STRIP2: variants seen among roughly 807,000 people sequenced by gnomAD.
STRIP2 encodes the protein striatin-interacting protein 2.
STRIP2 carries 84 observed loss-of-function variants against 107.1 expected under a neutral mutation model. The ratio of observed to expected loss-of-function variants is 0.78; its 90% CI spans 0.66 to 0.94. The LOEUF is 0.94. Among genes scored for constraint, STRIP2 ranks in the 40% least tolerant of loss-of-function variants. The probability of loss-of-function intolerance (pLI) is 0.00; values close to 1 mark genes in which losing one functional copy is unlikely to be tolerated. For synonymous variants in STRIP2, 394 were observed against 400.4 expected, an observed-to-expected ratio of 0.98 and a Z score of 0.19; for missense variants, 888 against 1,034.2, an observed-to-expected ratio of 0.86 and a Z score of 1.94.
chr7:129,473,208 A>G (rs1225930156), intron 18 of STRIP2, among the ~76,000 whole-genome samples: 3 of 152,214 alleles, frequency 2.0e-5, no homozygotes, highest in African/African-American at 7.2e-5. Context: ...TGCCACCTAC[A>G]TATAGCCACT....
chr7:129,434,934 A>G (rs1797692455), intron 1 of STRIP2, among the ~76,000 whole-genome samples: 1 of 152,222 alleles, frequency 6.6e-6, no homozygotes, highest in African/African-American at 2.4e-5. Flanking sequence ...ATCCCAGTTT[A>G]TAGACGGGGG....
Position 129,451,746 on chromosome 7 carries a change from A to T in STRIP2, c.408A>T (p.Gln136His). The change falls in exon 4 of 21, where the codon CAA (glutamine) becomes CAT (histidine). Residue 136 changes from glutamine to histidine, a missense_variant and splice_region_variant. Coordinates refer to ENST00000249344, the MANE Select transcript of STRIP2 (RefSeq NM_020704.3). The part of the protein sequence containing the change: ...KVARAVLYLA[Q>H]GTFGECDSEV... ...CCCGGGCTGTTCTCTACCTGGCCCA[A>T]GGTGAGTGACCACCCTTGCTAGCTT... 1 of 1,612,056 alleles carries T rather than the reference A, an allele frequency of 6.2e-7. No homozygotes were observed. Among genetic ancestry groups the T allele is most frequent in the Non-Finnish European group, 8.5e-7 (1 of 1,179,836 alleles).
intron 2 of STRIP2, among the ~76,000 whole-genome samples, chr7:129,442,161 G>A (rs931375470): frequency 1.3e-5 from 2 of 152,138 alleles, no homozygotes; most frequent in Non-Finnish European, 2.9e-5. Flanking sequence ...GGAGGCAGAG[G>A]TTGCAGTGAG....
intron 4 of STRIP2, among the ~76,000 whole-genome samples, chr7:129,452,487 C>A (rs1798222318): frequency 6.6e-6 from 1 of 152,184 alleles, no homozygotes; most frequent in Non-Finnish European, 1.5e-5. Context: ...CCTCCTGTAT[C>A]TCTTGGGTCT....
chr7:129,455,873 A>G (rs1300045970), intron 8 of STRIP2, among the ~76,000 whole-genome samples: 2 of 152,096 alleles, frequency 1.3e-5, no homozygotes, highest in African/African-American at 4.8e-5. Context: ...GTCTCAAGCA[A>G]TCCTTTCACC....
At chr7:129,464,871 C>G in intron 16 of STRIP2, 133 bp downstream of exon 16, 1 of 1,190,088 alleles carries the variant, frequency 8.4e-7, no homozygotes, top group South Asian at 1.4e-5. Flanking sequence ...CTCAGGGAAT[C>G]CAGCCACCCA....
At chr7:129,471,887 A>C (rs952044801) in intron 18 of STRIP2, among the ~76,000 whole-genome samples, 1 of 152,190 alleles carries the variant, frequency 6.6e-6, no homozygotes, top group African/African-American at 2.4e-5. Flanking sequence ...CAGCAGCCAA[A>C]GAAGTTGGAA....
At position 129,458,276 on chromosome 7, in the gene STRIP2, A is replaced by C; in HGVS notation, c.1100A>C (p.Glu367Ala). 1 of 1,614,196 alleles carries C rather than the reference A, an allele frequency of 6.2e-7. No individual in the cohort carries two copies. Among genetic ancestry groups the C allele is most frequent in the Non-Finnish European group, 8.5e-7 (1 of 1,180,032 alleles). The stretch of plus-strand genomic sequence containing the variant: ...AATGAAAGGGATCTCTTCAAGACTG[A>C]GGAGCCCGCCACAGAGGAGGAAGAG... ...IYNERDLFKTEEPATEEEEES... is the reference protein window; with the variant it reads ...IYNERDLFKTAEPATEEEEES... Residue 367 changes from glutamate (E) to alanine (A), a missense_variant, in exon 10 of 21, where the codon GAG becomes GCG. Coordinates refer to ENST00000249344, the MANE Select transcript of STRIP2 (RefSeq NM_020704.3). The surrounding 1 kb of genome is among the most constrained non-coding windows in gnomAD (Gnocchi z 4.6).
chr7:129,483,291 T>G lies in STRIP2; in HGVS notation c.2254+245T>G. Reference sequence around the variant, plus strand: ...AACAAGTAAATTGAGAGATAATTAATTGCCTTTCCAAAACATTCTTTTAAA... The same window carrying G: ...AACAAGTAAATTGAGAGATAATTAAGTGCCTTTCCAAAACATTCTTTTAAA... On this transcript the variant is annotated intron_variant, in intron 20 of 20. Transcript: ENST00000249344. This position sits in a 1 kb window ranked among gnomAD's most constrained non-coding sequence, Gnocchi z 5.1. The G allele has an allele frequency of 5.0e-6, 6 of 1,208,784 alleles. No homozygotes were observed. The highest frequency in any genetic ancestry group is 3.1e-6 in the Non-Finnish European group (3 of 967,634). 74.9% of individuals were successfully genotyped at this position (1,208,784 alleles called of 1,614,324 possible).
At chr7:129,462,129 T>G (rs1798554855) in intron 13 of STRIP2, among the ~76,000 whole-genome samples, 1 of 151,604 alleles carries the variant, frequency 6.6e-6, no homozygotes, top group African/African-American at 2.4e-5. Flanking sequence ...GGCAAAGGAG[T>G]TGGTTTGAGG....
rs112141645 is a variant in STRIP2 at position 129,480,986 on chromosome 7, G to A, written c.2049+97G>A. On this transcript the variant is annotated intron_variant, in intron 19 of 20. Transcript: ENST00000249344. Reference sequence around the variant, plus strand: ...GTGTGCTACCTGGTTTGTGATCTCCGTATATAGACACTGAATGCTACATAA... The same window carrying A: ...GTGTGCTACCTGGTTTGTGATCTCCATATATAGACACTGAATGCTACATAA... The A allele has an allele frequency of 7.9e-4, 659 of 835,548 alleles. 6 individuals carry two copies. In the African/African-American group the frequency reaches 0.01, roughly 13 times the overall value. 51.8% of individuals were successfully genotyped at this position (835,548 alleles called of 1,614,324 possible).
intron 9 of STRIP2, among the ~76,000 whole-genome samples, chr7:129,457,325 C>T (rs965243395): frequency 2.0e-5 from 3 of 152,202 alleles, no homozygotes. Context: ...ACACCATATG[C>T]AATTGTAACC....
At chr7:129,459,917 C>T (rs973847656) in intron 12 of STRIP2, among the ~76,000 whole-genome samples, 4 of 152,050 alleles carry the variant, frequency 2.6e-5, no homozygotes, top group Admixed American at 2.0e-4. Context: ...TGAGTAGGAG[C>T]CTGCTCTATA....
chr7:129,468,347 A>G (rs1240623535), intron 17 of STRIP2, among the ~76,000 whole-genome samples: 1 of 152,162 alleles, frequency 6.6e-6, no homozygotes, highest in Non-Finnish European at 1.5e-5. Flanking sequence ...CTTAAAACAC[A>G]CACACACCCT....
intron 18 of STRIP2, chr7:129,477,946 C>G (rs1330167657): frequency 1.1e-4 from 56 of 519,226 alleles, no homozygotes. Flanking sequence ...TAAATGGTGG[C>G]AGACATGTCC....
chr7:129,460,243 C>T, intron 12 of STRIP2, 58 bp from the exon 13 acceptor site: 2 of 1,479,102 alleles, frequency 1.4e-6, no homozygotes, highest in Non-Finnish European at 9.3e-7. Context: ...AAGTAAGAGA[C>T]TGGTACACAT....
intron 3 of STRIP2, among the ~76,000 whole-genome samples, chr7:129,447,694 G>A (rs1798074782): frequency 6.6e-6 from 1 of 152,230 alleles, no homozygotes; most frequent in Non-Finnish European, 1.5e-5. Flanking sequence ...CGGGCCTTAT[G>A]GACAGGAATG....
chr7:129,445,386 CATT>C (rs1291880829), intron 3 of STRIP2, among the ~76,000 whole-genome samples: 1 of 152,076 alleles, frequency 6.6e-6, no homozygotes, highest in African/African-American at 2.4e-5. Context: ...TTAATGGAAT[CATT>C]GTTGTGTCTC....
intron 7 of STRIP2, 73 bp from the exon 8 acceptor site, chr7:129,455,171 A>AATCAGGG: frequency 6.5e-7 from 1 of 1,532,168 alleles, no homozygotes; most frequent in South Asian, 1.3e-5. Context: ...GTGTGTCCAG[A>AATCAGGG]ATCAGGGTTA....
Sources: allele counts gnomAD v4.1 joint callset (sites outside exome capture counted in the v4.1 genomes callset), GRCh38; gene constraint gnomAD v4.1.1; non-coding constraint Gnocchi (gnomAD v3.1); transcripts MANE v1.5; gene names NCBI Gene and HGNC (gene_info 2026-07-23, HGNC 2026-07-21).